PSD3: variants seen among roughly 807,000 people sequenced by gnomAD.
PSD3 encodes PH and SEC7 domain-containing protein 3.
In PSD3, 49 loss-of-function variants were observed where a neutral mutation model predicts 105.5. The observed-to-expected ratio is 0.46, with a 90% CI of 0.37 to 0.59. The LOEUF is 0.59. Ranked by LOEUF, PSD3 falls within the 20% of genes least tolerant of loss-of-function variation. PSD3 has a pLI of 0.00. For missense variants in PSD3, 1,561 were observed against 1,263.8 expected (o/e 1.24, Z -3.57); for synonymous variants, 557 against 457.8 (o/e 1.22, Z -2.77).
At chr8:18,656,078 G>T (rs1393458328) in intron 9 of PSD3, among the ~76,000 whole-genome samples, 1 of 151,962 alleles carries the variant, frequency 6.6e-6, no homozygotes, top group African/African-American at 2.4e-5. Context: ...CTTTTTTTCA[G>T]ACGGAGTCTC....
chr8:18,717,696 C>G (rs1474135661), intron 9 of PSD3, among the ~76,000 whole-genome samples: 1 of 152,196 alleles, frequency 6.6e-6, no homozygotes, highest in African/African-American at 2.4e-5. Context: ...CCACTTGAGT[C>G]AACTCCTGAC....
At chr8:18,809,086 C>T (rs1483383071) in intron 4 of PSD3, among the ~76,000 whole-genome samples, 1 of 152,232 alleles carries the variant, frequency 6.6e-6, no homozygotes. Flanking sequence ...AGTGATCCCT[C>T]TCGGAGGGGA....
intron 4 of PSD3, among the ~76,000 whole-genome samples, chr8:18,853,107 G>A (rs974328751): frequency 1.3e-5 from 2 of 152,024 alleles, no homozygotes; most frequent in African/African-American, 4.8e-5. Context: ...ATATTTCATG[G>A]CCTTTTTCCC....
intron 10 of PSD3, among the ~76,000 whole-genome samples, chr8:18,648,550 T>C (rs146158327): frequency 1.3e-4 from 20 of 152,316 alleles, no homozygotes; most frequent in African/African-American, 4.1e-4. Context: ...ATAAATGACA[T>C]AAAACTGGAA....
intron 9 of PSD3, among the ~76,000 whole-genome samples, chr8:18,757,298 C>CAA (rs373688617): frequency 0.025 from 3,069 of 122,916 alleles, 77 homozygotes; most frequent in East Asian, 0.17. Context: ...ACCAAAAATA[C>CAA]AAAAAAAAAA....
At chr8:18,834,746 G>C (rs1252434487) in intron 4 of PSD3, among the ~76,000 whole-genome samples, 2 of 152,202 alleles carry the variant, frequency 1.3e-5, no homozygotes, top group Non-Finnish European at 2.9e-5. Flanking sequence ...GAAAAAAAGG[G>C]AGAGTAGAGA....
intron 8 of PSD3, among the ~76,000 whole-genome samples, chr8:18,791,697 A>C (rs1171317970): frequency 1.3e-5 from 2 of 152,234 alleles, no homozygotes; most frequent in Non-Finnish European, 2.9e-5. Context: ...AGATGTCAAA[A>C]GCAATTGGAA....
chr8:18,931,180 G>A (rs1821726942), intron 2 of PSD3, among the ~76,000 whole-genome samples: 1 of 151,422 alleles, frequency 6.6e-6, no homozygotes, highest in Non-Finnish European at 1.5e-5. Flanking sequence ...AGCTCTCTAT[G>A]TATTCTACAT....
At chr8:18,781,031 AT>A (rs1024941899) in intron 8 of PSD3, among the ~76,000 whole-genome samples, 2 of 151,942 alleles carry the variant, frequency 1.3e-5, no homozygotes, top group African/African-American at 4.8e-5. Context: ...CAGGTATAAT[AT>A]TTTTGGCTGA....
At chr8:18,956,649 G>A (rs551793325) in intron 1 of PSD3, among the ~76,000 whole-genome samples, 1 of 152,152 alleles carries the variant, frequency 6.6e-6, no homozygotes, top group Non-Finnish European at 1.5e-5. Context: ...CACTTATTTT[G>A]TTTTGTTTTT....
At chr8:18,631,614 A>T (rs1255241913) in intron 11 of PSD3, among the ~76,000 whole-genome samples, 1 of 151,960 alleles carries the variant, frequency 6.6e-6, no homozygotes, top group Admixed American at 6.6e-5. Flanking sequence ...ACTTGCTGTC[A>T]CAACTATATG....
rs1466376702 is a variant in PSD3, at chr8:18,747,017, T to A, written c.2172+18432A>T. ...CTCTCTCTCTCTACCTGTGTATGCA[T>A]AGCCTCAGTTTTTAAATGGCGGTGT... On this transcript the variant is annotated intron_variant, in intron 9 of 15. Transcript: ENST00000327040. Among the ~76,000 whole-genome samples, 4 of 152,374 alleles carry A rather than the reference T, an allele frequency of 2.6e-5. No individual in the cohort carries two copies. In the East Asian group the frequency reaches 5.8e-4, roughly 22 times the overall value.
intron 9 of PSD3, among the ~76,000 whole-genome samples, chr8:18,716,923 A>G (rs537147412): frequency 6.6e-6 from 1 of 152,312 alleles, no homozygotes; most frequent in Admixed American, 6.5e-5. Context: ...TAAGACCAAG[A>G]GGAGTAGCCA....
chr8:18,560,910 T>A (rs570263967), intron 14 of PSD3, among the ~76,000 whole-genome samples: 1 of 152,280 alleles, frequency 6.6e-6, no homozygotes, highest in East Asian at 1.9e-4. Flanking sequence ...GCGGTAAGTG[T>A]CTTATAGAAG....
At chr8:18,987,892 C>T (rs371041366) in intron 1 of PSD3, among the ~76,000 whole-genome samples, 3 of 152,166 alleles carry the variant, frequency 2.0e-5, no homozygotes, top group African/African-American at 7.2e-5. Flanking sequence ...TCTGAGTGTA[C>T]ACAAAAAATA....
rs555422731 is a variant in PSD3 at position 18,961,203 on chromosome 8, T to C, written c.22-25061A>G. On this transcript the variant is annotated intron_variant, in intron 1 of 15. Coordinates refer to ENST00000327040, the MANE Select transcript of PSD3 (RefSeq NM_015310.4). Reference sequence around the variant, plus strand: ...CAGTAACAGAGAAATTTTACCTAAATCTGAAGAACTCTTAATAGAATCATT... The same window carrying C: ...CAGTAACAGAGAAATTTTACCTAAACCTGAAGAACTCTTAATAGAATCATT... 1.2e-4 allele frequency among the ~76,000 whole-genome samples: 19 copies of C among 152,188 alleles called. 1 individual carries two copies. The highest frequency in any genetic ancestry group is 2.9e-5 in the Non-Finnish European group (2 of 68,042).
At chr8:18,592,921 T>G (rs1310063916) in intron 12 of PSD3, among the ~76,000 whole-genome samples, 1 of 152,202 alleles carries the variant, frequency 6.6e-6, no homozygotes, top group Non-Finnish European at 1.5e-5. Flanking sequence ...GCTAGCCATA[T>G]GTAGAAAGCT....
chr8:18,964,401 G>A (rs1225038099), intron 1 of PSD3, among the ~76,000 whole-genome samples: 1 of 152,146 alleles, frequency 6.6e-6, no homozygotes, highest in Non-Finnish European at 1.5e-5. Context: ...TGGGATTACA[G>A]GTGTGAGCTA....
intron 9 of PSD3, among the ~76,000 whole-genome samples, chr8:18,667,248 G>A (rs1393682989): frequency 6.6e-6 from 1 of 152,162 alleles, no homozygotes; most frequent in Non-Finnish European, 1.5e-5. Flanking sequence ...GGTCCATTTT[G>A]ACAAGGTGCT....
Sources: gnomAD v4.1 joint callset for allele counts (sites outside exome capture counted in the v4.1 genomes callset) on GRCh38, gnomAD v4.1.1 for gene constraint, MANE v1.5 for transcripts, NCBI Gene and HGNC (gene_info 2026-07-23, HGNC 2026-07-21) for gene names.